USP15: variants seen among roughly 807,000 people sequenced by gnomAD.
USP15 encodes the protein ubiquitin specific peptidase 15, also known as ubiquitin carboxyl-terminal hydrolase 15.
USP15 carries 18 observed loss-of-function variants against 127.1 expected under a neutral mutation model. The observed-to-expected ratio is 0.14, with a 90% CI of 0.10 to 0.21. The LOEUF is 0.21. Among genes scored for constraint, USP15 ranks in the 10% least tolerant of loss-of-function variants. The probability of loss-of-function intolerance (pLI) is 1.00; values close to 1 mark genes in which losing one functional copy is unlikely to be tolerated. For missense variants in USP15, 805 were observed against 1,159.9 expected (o/e 0.69, Z 4.44); for synonymous variants, 364 against 393.7 (o/e 0.92, Z 0.89).
chr12:62,308,685 A>G (rs2064561789), intron 3 of USP15, among the ~76,000 whole-genome samples: 1 of 152,182 alleles, frequency 6.6e-6, no homozygotes, highest in Non-Finnish European at 1.5e-5. Context: ...GTACTTAGTC[A>G]TTGCAGAATA....
chr12:62,347,151 A>T (rs570150569), intron 6 of USP15, among the ~76,000 whole-genome samples: 2 of 152,236 alleles, frequency 1.3e-5, no homozygotes, highest in Non-Finnish European at 2.9e-5. Context: ...GTCATTTAAT[A>T]AATGTTTGAG....
At chr12:62,398,921 A>C (rs1244432307) in intron 20 of USP15, among the ~76,000 whole-genome samples, 2 of 152,080 alleles carry the variant, frequency 1.3e-5, no homozygotes, top group Non-Finnish European at 2.9e-5. Context: ...TGTTATTAAT[A>C]TTTTGCATAA....
chr12:62,396,334 A>T lies in USP15; in HGVS notation c.2610A>T (p.Ala870=), dbSNP rs746692173. The change falls in exon 20 of 22, where the codon GCA becomes GCT. Residue 870 remains alanine, a synonymous_variant. Transcript: ENST00000280377. The part of the protein sequence containing the change: ...DMSEFLINPN[A]GPCRYNLIAV... ...CGGAATTCTTAATTAATCCAAATGC[A>T]GGTCCTTGCCGCTATAATCTGATTG... 6.3e-7 allele frequency: 1 copy of T among 1,596,826 alleles called. No homozygotes were observed. Among genetic ancestry groups the T allele is most frequent in the Non-Finnish European group, 8.5e-7 (1 of 1,174,844 alleles).
intron 8 of USP15, among the ~76,000 whole-genome samples, chr12:62,380,732 T>C (rs1242390198): frequency 6.6e-6 from 1 of 152,084 alleles, no homozygotes; most frequent in East Asian, 1.9e-4. Context: ...TCAAATTATA[T>C]GGATCATCAC....
Position 62,355,422 on chromosome 12 carries a change from C to G in USP15, c.862C>G (p.Leu288Val). The change falls in exon 8 of 22, where the codon CTC becomes GTC. Residue 288 changes from leucine (L) to valine (V), a missense_variant. Physicochemically the swap from Leu to Val is conservative, Grantham distance 32. Transcript: ENST00000280377. ...EPGRNNEQPG[L>V]CGLSNLGNTC... ...TGGAAGAAACAATGAACAGCCAGGC[C>G]TCTGTGGCCTAAGTAACTTGGGAAA... 6.2e-7 allele frequency: 1 copy of G among 1,610,694 alleles called. No individual in the cohort carries two copies. Among genetic ancestry groups the G allele is most frequent in the South Asian group, 1.1e-5 (1 of 90,724 alleles).
intron 3 of USP15, among the ~76,000 whole-genome samples, chr12:62,310,426 CTT>C (rs1374577410): frequency 1.3e-5 from 2 of 151,808 alleles, no homozygotes; most frequent in South Asian, 2.1e-4. Flanking sequence ...TCTTTCCACT[CTT>C]TACTTCATGT....
chr12:62,390,824 T>G (rs2067302833), intron 14 of USP15, 40 bp from the exon 15 acceptor site: 1 of 1,462,314 alleles, frequency 6.8e-7, no homozygotes, highest in South Asian at 1.2e-5. Context: ...GTTTTTATCT[T>G]TGTAGTACTG....
At chr12:62,336,157 A>G (rs1027408696) in intron 6 of USP15, 2 of 985,292 alleles carry the variant, frequency 2.0e-6, no homozygotes, top group South Asian at 4.7e-5. Flanking sequence ...ATACCATAGT[A>G]GGTGTTCAAA....
At chr12:62,313,135 G>A (rs1226716732) in intron 3 of USP15, among the ~76,000 whole-genome samples, 4 of 151,392 alleles carry the variant, frequency 2.6e-5, no homozygotes, top group African/African-American at 9.7e-5. Flanking sequence ...GTAAAATGTA[G>A]GAAAGAAGAA....
intron 11 of USP15, among the ~76,000 whole-genome samples, chr12:62,386,381 T>C (rs2067150075): frequency 6.6e-6 from 1 of 152,012 alleles, no homozygotes; most frequent in African/African-American, 2.4e-5. Flanking sequence ...TCTTAGGCTC[T>C]TATGCTGTGC....
intron 1 of USP15, among the ~76,000 whole-genome samples, chr12:62,263,602 T>C (rs1372273637): frequency 6.6e-6 from 1 of 152,260 alleles, no homozygotes; most frequent in East Asian, 1.9e-4. Flanking sequence ...TACTTTATGA[T>C]GTATTTAGTT....
chr12:62,376,904 T>A (rs1056318665), intron 8 of USP15, among the ~76,000 whole-genome samples: 1 of 152,184 alleles, frequency 6.6e-6, no homozygotes, highest in Non-Finnish European at 1.5e-5. Context: ...AAAACATATA[T>A]GTCTTTAAGA....
At chr12:62,304,952 A>G (rs1199910022) in intron 3 of USP15, 1 of 225,912 alleles carries the variant, frequency 4.4e-6, no homozygotes, top group Non-Finnish European at 9.1e-6. Context: ...AAATTATTAG[A>G]CCAAACAGAA....
intron 3 of USP15, among the ~76,000 whole-genome samples, chr12:62,310,294 G>C (rs1301693302): frequency 6.6e-6 from 1 of 151,710 alleles, no homozygotes; most frequent in East Asian, 1.9e-4. Flanking sequence ...GTTAAGTATA[G>C]TCACCCTGCT....
In USP15 at chr12:62,281,488, G is replaced by A. The variant is rs1053908222; in HGVS notation, c.90-12691G>A. ...AGTAGCTGGGGTTACAAAAGTATGC[G>A]CCACCACACTTGACTAATTTTTGTA... On this transcript the variant is annotated intron_variant, in intron 1 of 21. Transcript: ENST00000280377. Among the ~76,000 whole-genome samples the A allele has an allele frequency of 3.3e-5, 5 of 152,132 alleles. No homozygotes were observed. The East Asian group carries it at 5.8e-4, about 18-fold the overall frequency.
intron 8 of USP15, among the ~76,000 whole-genome samples, chr12:62,360,880 C>A (rs1030034422): frequency 2.0e-5 from 3 of 151,590 alleles, no homozygotes; most frequent in Non-Finnish European, 4.4e-5. Flanking sequence ...CCAGAAATTA[C>A]ATAGCAAATT....
rs1277053510 is a variant in USP15, at chr12:62,381,667, A to G, written c.1089+4A>G. The G allele has an allele frequency of 6.2e-7, 1 of 1,607,308 alleles. No homozygotes were observed. The highest frequency in any genetic ancestry group is 8.5e-7 in the Non-Finnish European group (1 of 1,176,110). On this transcript the variant is annotated splice_donor_region_variant and intron_variant, in intron 9 of 21. Transcript: ENST00000280377. ...CGTCACCCCAAGAGCCTTTAAGGTT[A>G]GTGTGGTAAATGCATTTTAGCAAGG...
In USP15 at chr12:62,404,524, A is replaced by G. The variant is rs1592748311; in HGVS notation, c.*149A>G. 2 of 1,124,488 alleles carry G rather than the reference A, an allele frequency of 1.8e-6. No homozygotes were observed. The highest frequency in any genetic ancestry group is 2.9e-5 in the East Asian group (1 of 34,028). 69.7% of individuals were successfully genotyped at this position (1,124,488 alleles called of 1,614,324 possible). On this transcript the variant is annotated 3_prime_UTR_variant, in exon 22 of 22. Coordinates refer to ENST00000280377, the MANE Select transcript of USP15 (RefSeq NM_001252078.2). ...TCCTTTATCAGATTTTAACTTGTGC[A>G]GTACTTGAAGTGAAACACAATGAAA...
chr12:62,360,953 T>C (rs2066295103), intron 8 of USP15, among the ~76,000 whole-genome samples: 1 of 151,764 alleles, frequency 6.6e-6, no homozygotes, highest in Non-Finnish European at 1.5e-5. Context: ...CTATCCATTT[T>C]GATAAAAGCA....
Sources: allele counts gnomAD v4.1 joint callset (sites outside exome capture counted in the v4.1 genomes callset), GRCh38; gene constraint gnomAD v4.1.1; transcripts MANE v1.5; gene names NCBI Gene and HGNC (gene_info 2026-07-23, HGNC 2026-07-21).